Variants in NKX2-6 observed in about 807,000 individuals in gnomAD.
NKX2-6 encodes NK2 homeobox 6.
NKX2-6 carries 8 observed loss-of-function variants against 8.6 expected under a neutral mutation model. The observed-to-expected ratio is 0.93, with a 90% CI of 0.54 to 1.67. The LOEUF (loss-of-function observed/expected upper bound fraction) is 1.67, where lower values mean the gene tolerates loss of function less well. Among genes scored for constraint, NKX2-6 ranks in the 40% most tolerant of loss-of-function variants. The pLI is 0.00. For missense variants in NKX2-6, 475 were observed against 423.1 expected (o/e 1.12, Z -1.08); for synonymous variants, 210 against 199.3 (o/e 1.05, Z -0.45).
In NKX2-6 at chr8:23,703,069, G is replaced by A; in HGVS notation, c.288C>T (p.Asn96=). The change falls in exon 2 of 2, where the codon AAC becomes AAT. Residue 96 remains asparagine (N), a synonymous_variant. Transcript: ENST00000325017. ...TCCCGCCGCCGAGGGGCGAGGCCGC[G>A]TTCAGGCCGGGCTCTAAAAGCACAG... The part of the protein sequence containing the change: ...ERMGEPQPGL[N]AASPLGGGTR... 6.5e-7 allele frequency: 1 copy of A among 1,539,992 alleles called. No homozygotes were observed.
At chr8:23,705,858 G>A (rs1429528743) in intron 1 of NKX2-6, among the ~76,000 whole-genome samples, 2 of 152,232 alleles carry the variant, frequency 1.3e-5, no homozygotes, top group African/African-American at 4.8e-5. Flanking sequence ...AAAGGGCCCA[G>A]TTAGGAGTGA....
At position 23,706,364 on chromosome 8, in the gene NKX2-6, C is replaced by A; in HGVS notation, c.235G>T (p.Ala79Ser). The change falls in exon 1 of 2, where the codon GCA becomes TCA. Residue 79 changes from alanine (A) to serine (S), a missense_variant. Ala to Ser is a moderately conservative substitution (Grantham distance 99, BLOSUM62 1). Coordinates refer to ENST00000325017, the MANE Select transcript of NKX2-6 (RefSeq NM_001136271.3). ...CGTTCCGCGTCCATCTCCAAGACTG[C>A]CTCACAGGGACCCCCAGGAGGCTCC... ...GSEPPGGPCE[A>S]VLEMDAERMG... is the part of the protein sequence containing the mutation. 1 of 1,551,514 alleles carries A rather than the reference C, an allele frequency of 6.4e-7. No homozygotes were observed. Among genetic ancestry groups the A allele is most frequent in the Non-Finnish European group, 8.7e-7 (1 of 1,146,968 alleles).
chr8:23,705,916 C>T (rs1400822115), intron 1 of NKX2-6, among the ~76,000 whole-genome samples: 2 of 152,168 alleles, frequency 1.3e-5, no homozygotes, highest in East Asian at 3.9e-4. Context: ...CACGCTTTTG[C>T]AAACGGTTTG....
In NKX2-6 at chr8:23,703,148, T is replaced by C. The variant is rs1016532807; in HGVS notation, c.275-66A>G. 3 of 1,477,242 alleles carry C rather than the reference T, an allele frequency of 2.0e-6. No individual in the cohort carries two copies. In the African/African-American group the frequency reaches 4.3e-5, roughly 21 times the overall value. 91.5% of individuals were successfully genotyped at this position (1,477,242 alleles called of 1,614,324 possible). A position where few individuals can be genotyped will look rare whatever the true frequency, so the allele number is the denominator to read the frequency against. Reference sequence around the variant, plus strand: ...GCTCACCTGAGCGGTTCCTACTTAGTTTTCAAGACTTTCCTCTCCCTGGCA... The same window carrying C: ...GCTCACCTGAGCGGTTCCTACTTAGCTTTCAAGACTTTCCTCTCCCTGGCA... On this transcript the variant is annotated intron_variant, in intron 1 of 1. Transcript: ENST00000325017.
chr8:23,706,375 C>G lies in NKX2-6; in HGVS notation c.224G>C (p.Gly75Ala). 3 of 1,551,446 alleles carry G rather than the reference C, an allele frequency of 1.9e-6. No individual in the cohort carries two copies. Among genetic ancestry groups the G allele is most frequent in the Non-Finnish European group, 2.6e-6 (3 of 1,146,968 alleles). Residue 75 changes from glycine to alanine, a missense_variant, in exon 1 of 2, where the codon GGT becomes GCT. Gly to Ala is a moderately conservative substitution (Grantham distance 60). Coordinates refer to ENST00000325017, the MANE Select transcript of NKX2-6 (RefSeq NM_001136271.3). ...CATCTCCAAGACTGCCTCACAGGGA[C>G]CCCCAGGAGGCTCCGAACCATCCAG... is the stretch of plus-strand genomic sequence containing the variant. Reference protein sequence around the residue: ...RKLDGSEPPGGPCEAVLEMDA... With the variant: ...RKLDGSEPPGAPCEAVLEMDA...
At chr8:23,706,278 GC>G in intron 1 of NKX2-6, 46 bp downstream of exon 1, 2 of 1,299,366 alleles carry the variant, frequency 1.5e-6, no homozygotes, top group Non-Finnish European at 2.1e-6. Flanking sequence ...TCACGCCCCC[GC>G]CCCCACATTC....
chr8:23,706,581 G>T lies in NKX2-6; in HGVS notation c.18C>A (p.Val6=), dbSNP rs1801096389. 2 of 1,535,874 alleles carry T rather than the reference G, an allele frequency of 1.3e-6. No individual in the cohort carries two copies. The highest frequency in any genetic ancestry group is 1.7e-6 in the Non-Finnish European group (2 of 1,146,726). The change falls in exon 1 of 2, where the codon GTC becomes GTA. Residue 6 remains valine (V), a synonymous_variant. Coordinates refer to ENST00000325017, the MANE Select transcript of NKX2-6 (RefSeq NM_001136271.3). MLLSP[V]TSTPFSVKDI... ...CCTTGACCGAGAAGGGGGTGGAGGT[G>T]ACGGGGCTCAGCAGCATCCCGAAGG...
Position 23,703,060 on chromosome 8 carries a change from C to T in NKX2-6, c.297G>A (p.Ser99=), listed in dbSNP as rs1801035432. ...GEPQPGLNAA[S]PLGGGTRVPE... ...GCACCCTGGTCCCGCCGCCGAGGGG[C>T]GAGGCCGCGTTCAGGCCGGGCTCTA... Residue 99 remains serine, a synonymous_variant, in exon 2 of 2, where the codon TCG becomes TCA. Coordinates refer to ENST00000325017, the MANE Select transcript of NKX2-6 (RefSeq NM_001136271.3). The T allele has an allele frequency of 1.3e-6, 2 of 1,540,112 alleles. No individual in the cohort carries two copies. Among genetic ancestry groups the T allele is most frequent in the African/African-American group, 2.7e-5 (2 of 72,868 alleles).
chr8:23,706,535 C>T lies in NKX2-6; in HGVS notation c.64G>A (p.Glu22Lys), dbSNP rs904420391. 29 of 1,536,884 alleles carry T rather than the reference C, an allele frequency of 1.9e-5. 1 individual carries two copies. The Admixed American group carries it at 2.5e-4, about 14-fold the overall frequency. ...GGCGAAGCCGCGGGGCAGCTCCGCTCGCGCTCCAGTCGCAGGATGTCCTTG... is the reference window on the plus strand; with the variant it reads ...GGCGAAGCCGCGGGGCAGCTCCGCTTGCGCTCCAGTCGCAGGATGTCCTTG... ...SVKDILRLER[E>K]RSCPAASPHP... The change falls in exon 1 of 2, where the codon GAG (glutamate) becomes AAG (lysine). Residue 22 changes from glutamate to lysine, a missense_variant. By Grantham distance (56) the Glu-to-Lys change is moderately conservative. Transcript: ENST00000325017.
chr8:23,703,989 C>T (rs1014081683), intron 1 of NKX2-6, among the ~76,000 whole-genome samples: 2 of 152,138 alleles, frequency 1.3e-5, no homozygotes, highest in African/African-American at 4.8e-5. Context: ...CATTTTCCTT[C>T]GCAGCCCCAA....
chr8:23,702,996 C>T lies in NKX2-6; in HGVS notation c.361G>A (p.Gly121Ser). The stretch of plus-strand genomic sequence containing the variant: ...GCCTTGGGCTGCTCCGAGCGGCCAC[C>T]CCGCACGCTGTCGCCGCTGTTGCCA... Reference protein sequence around the residue: ...GVGNSGDSVRGGRSEQPKARQ... With the variant: ...GVGNSGDSVRSGRSEQPKARQ... The change falls in exon 2 of 2, where the codon GGT (glycine) becomes AGT (serine). Residue 121 changes from glycine (G) to serine (S), a missense_variant. By Grantham distance (56) the Gly-to-Ser change is moderately conservative. Coordinates refer to ENST00000325017, the MANE Select transcript of NKX2-6 (RefSeq NM_001136271.3). The T allele has an allele frequency of 1.9e-6, 3 of 1,541,562 alleles. No homozygotes were observed. Among genetic ancestry groups the T allele is most frequent in the South Asian group, 2.4e-5 (2 of 83,784 alleles).
intron 1 of NKX2-6, among the ~76,000 whole-genome samples, chr8:23,705,660 G>A (rs907496240): frequency 1.3e-5 from 2 of 152,184 alleles, no homozygotes; most frequent in Non-Finnish European, 2.9e-5. Context: ...GACAGGACTC[G>A]GCCAGAACCG....
chr8:23,704,173 G>A (rs985462801), intron 1 of NKX2-6, among the ~76,000 whole-genome samples: 10 of 152,194 alleles, frequency 6.6e-5, no homozygotes, highest in Non-Finnish European at 1.3e-4. Context: ...AACAATATAT[G>A]ATGAAAACAA....
In NKX2-6 at chr8:23,706,417, C is replaced by A. The variant is rs770371919; in HGVS notation, c.182G>T (p.Gly61Val). 1 of 1,550,662 alleles carries A rather than the reference C, an allele frequency of 6.4e-7. No individual in the cohort carries two copies. The highest frequency in any genetic ancestry group is 1.2e-5 in the South Asian group (1 of 84,066). Residue 61 changes from glycine (G) to valine (V), a missense_variant, in exon 1 of 2, where the codon GGC becomes GTC. Transcript: ENST00000325017. ...ACCATCCAGCTTTCTGTCACCGCCGCCGCCACCAGCGTTGTGAACCTCTGA... is the reference window on the plus strand; with the variant it reads ...ACCATCCAGCTTTCTGTCACCGCCGACGCCACCAGCGTTGTGAACCTCTGA... ...RGSEVHNAGG[G>V]GGDRKLDGSE...
Position 23,702,737 on chromosome 8 carries a change from C to T in NKX2-6, c.620G>A (p.Arg207Gln), listed in dbSNP as rs1801025693. Reference sequence around the variant, plus strand: ...GCGCACCAGGACGGGCACAGCTACTCGGCGCGGCGTTAGAGGGTGGCCAGC... The same window carrying T: ...GCGCACCAGGACGGGCACAGCTACTTGGCGCGGCGTTAGAGGGTGGCCAGC... Reference protein sequence around the residue: ...ELAGHPLTPRRVAVPVLVRDG... With the variant: ...ELAGHPLTPRQVAVPVLVRDG... Residue 207 changes from arginine (R) to glutamine (Q), a missense_variant, in exon 2 of 2, where the codon CGA becomes CAA. Transcript: ENST00000325017. 1 of 1,551,868 alleles carries T rather than the reference C, an allele frequency of 6.4e-7. No homozygotes were observed. Among genetic ancestry groups the T allele is most frequent in the Non-Finnish European group, 8.7e-7 (1 of 1,147,050 alleles).
At chr8:23,703,195 C>T (rs1801037594) in intron 1 of NKX2-6, 113 bp from the exon 2 acceptor site, 2 of 1,251,018 alleles carry the variant, frequency 1.6e-6, no homozygotes, top group Non-Finnish European at 2.1e-6. Flanking sequence ...GCGCAGGCTC[C>T]TCCTCCCTCC....
Position 23,702,817 on chromosome 8 carries a change from G to C in NKX2-6, c.540C>G (p.Phe180Leu), listed in dbSNP as rs1220276549. 6.4e-7 allele frequency: 1 copy of C among 1,572,524 alleles called. No individual in the cohort carries two copies. The highest frequency in any genetic ancestry group is 1.4e-5 in the African/African-American group (1 of 74,000). Reference protein sequence around the residue: ...QLTSTQVKIWFQNRRYKCKRQ... With the variant: ...QLTSTQVKIWLQNRRYKCKRQ... ...TCTTGCATTTGTAGCGTCGGTTCTG[G>C]AACCAGATCTTGACCTGCGTGGACG... The change falls in exon 2 of 2, where the codon TTC becomes TTG. Residue 180 changes from phenylalanine (F) to leucine (L), a missense_variant. Phe to Leu is a conservative substitution (Grantham distance 22). Transcript: ENST00000325017.
At chr8:23,704,564 TG>T (rs1374600086) in intron 1 of NKX2-6, among the ~76,000 whole-genome samples, 1 of 152,200 alleles carries the variant, frequency 6.6e-6, no homozygotes, top group Non-Finnish European at 1.5e-5. Context: ...AATGAGCCAG[TG>T]CGATTGGAAC....
chr8:23,703,016 T>C lies in NKX2-6; in HGVS notation c.341A>G (p.Asn114Ser), dbSNP rs751485832. Residue 114 changes from asparagine (N) to serine (S), a missense_variant, in exon 2 of 2, where the codon AAC (asparagine) becomes AGC (serine). Physicochemically the swap from Asn to Ser is conservative, Grantham distance 46. Coordinates refer to ENST00000325017, the MANE Select transcript of NKX2-6 (RefSeq NM_001136271.3). The stretch of plus-strand genomic sequence containing the variant: ...GCCACCCCGCACGCTGTCGCCGCTG[T>C]TGCCAACGCCGCGCTCTGGCACCCT... ...GTRVPERGVG[N>S]SGDSVRGGRS... 6.2e-5 allele frequency: 95 copies of C among 1,540,956 alleles called. No homozygotes were observed. Among genetic ancestry groups the C allele is most frequent in the Admixed American group, 2.0e-5 (1 of 50,880 alleles).
Sources: gnomAD v4.1 joint callset for allele counts (sites outside exome capture counted in the v4.1 genomes callset) on GRCh38, gnomAD v4.1.1 for gene constraint, MANE v1.5 for transcripts, NCBI Gene and HGNC (gene_info 2026-07-23, HGNC 2026-07-21) for gene names.